The following ZDHHC21 variants were observed in gnomAD, a reference collection of about 807,000 sequenced individuals.
ZDHHC21 encodes palmitoyltransferase ZDHHC21.
A neutral mutation model predicts 34.6 loss-of-function variants in ZDHHC21; 15 were observed. The ratio of observed to expected loss-of-function variants is 0.43; its 90% confidence interval spans 0.29 to 0.67. ZDHHC21 has a LOEUF of 0.67. Ranked by LOEUF, ZDHHC21 falls within the 30% of genes least tolerant of loss-of-function variation. The pLI, the probability that ZDHHC21 is intolerant of heterozygous loss-of-function variation, is 0.14. For synonymous variants in ZDHHC21, 142 were observed against 101.8 expected (o/e 1.40, Z -2.38); for missense variants, 344 against 327.7 (o/e 1.05, Z -0.38).
intron 4 of ZDHHC21, 26 bp from the exon 5 acceptor site, chr9:14,672,954 T>A (rs1835747247): frequency 7.2e-7 from 1 of 1,390,128 alleles, no homozygotes; most frequent in Non-Finnish European, 9.9e-7. Flanking sequence ...ATTAAATAAA[T>A]TAGTCACTTA....
Position 14,617,587 on chromosome 9 carries a change from G to A in ZDHHC21, c.*1379C>T, listed in dbSNP as rs909444055. ...CAATCTTCTCTTCAAGGGAAAGACT[G>A]TGAGTACATAAATTTTTTAAAAAGA... On this transcript the variant is annotated 3_prime_UTR_variant, in exon 10 of 10. Transcript: ENST00000380916. 6.6e-6 allele frequency: 1 copy of A among 151,934 alleles called. No homozygotes were observed. The highest frequency in any genetic ancestry group is 1.5e-5 in the Non-Finnish European group (1 of 67,914). 9.4% of individuals were successfully genotyped at this position (151,934 alleles called of 1,614,324 possible).
At chr9:14,668,714 T>C (rs1257485413) in intron 5 of ZDHHC21, among the ~76,000 whole-genome samples, 1 of 139,564 alleles carries the variant, frequency 7.2e-6, no homozygotes, top group Non-Finnish European at 1.6e-5. Context: ...TACAACTATC[T>C]GATCTTTGAC....
chr9:14,651,798 C>G (rs1259501325), intron 7 of ZDHHC21, among the ~76,000 whole-genome samples: 1 of 151,778 alleles, frequency 6.6e-6, no homozygotes, highest in East Asian at 1.9e-4. Context: ...TAGGCATCTG[C>G]TTATAAGCAT....
rs770640825 is a variant in ZDHHC21 at position 14,640,026 on chromosome 9, G to C, written c.505-14C>G. ...AACAAAGAGGTCCTAAAAAGAAAAA[G>C]AAAGTCTTAAAAACCATTCAGAGTT... is the stretch of plus-strand genomic sequence containing the variant. On this transcript the variant is annotated splice_polypyrimidine_tract_variant and intron_variant, in intron 7 of 9. Transcript: ENST00000380916. 1.9e-6 allele frequency: 3 copies of C among 1,546,370 alleles called. No homozygotes were observed. Among genetic ancestry groups the C allele is most frequent in the African/African-American group, 2.8e-5 (2 of 72,470 alleles).
At chr9:14,609,739 G>A (rs559335645), downstream of ZDHHC21, among the ~76,000 whole-genome samples, 2 of 152,146 alleles carry the variant, frequency 1.3e-5, no homozygotes, top group South Asian at 4.1e-4. Flanking sequence ...TGGATTTTAA[G>A]AACACGAAAA....
intron 7 of ZDHHC21, among the ~76,000 whole-genome samples, chr9:14,657,766 A>G (rs929044260): frequency 6.6e-6 from 1 of 152,156 alleles, no homozygotes; most frequent in Admixed American, 6.5e-5. Flanking sequence ...TTTGTTTTTC[A>G]TTAACACCAC....
At position 14,690,317 on chromosome 9, in the gene ZDHHC21, T is replaced by C. The variant is rs1255028857; in HGVS notation, c.-176+20A>G. ...CCATGATTTAAGAACACTAACACCA[T>C]AAGAAAAATCTCTCCTCACCTGCTT... is the stretch of plus-strand genomic sequence containing the variant. On this transcript the variant is annotated intron_variant, in intron 2 of 9. Coordinates refer to ENST00000380916, the MANE Select transcript of ZDHHC21 (RefSeq NM_178566.6). 1 of 454,430 alleles carries C rather than the reference T, an allele frequency of 2.2e-6. No homozygotes were observed. Among genetic ancestry groups the C allele is most frequent in the East Asian group, 7.0e-5 (1 of 14,370 alleles). The allele number at this position is 454,430 out of a possible 1,614,324, so 28.1% of individuals were successfully genotyped here.
chr9:14,602,052 C>T, the ZDHHC21 span, among the ~76,000 whole-genome samples: 2 of 151,912 alleles, frequency 1.3e-5, no homozygotes, highest in African/African-American at 4.8e-5. Flanking sequence ...ATGTAGGTGA[C>T]GGGTTGATGG....
At chr9:14,643,313 C>G (rs942447981) in intron 7 of ZDHHC21, among the ~76,000 whole-genome samples, 2 of 152,058 alleles carry the variant, frequency 1.3e-5, no homozygotes, top group African/African-American at 4.8e-5. Context: ...ATTAGAACAT[C>G]TGAAACCAAG....
intron 7 of ZDHHC21, among the ~76,000 whole-genome samples, chr9:14,652,949 C>T (rs1232012460): frequency 1.3e-5 from 2 of 151,970 alleles, no homozygotes; most frequent in African/African-American, 4.8e-5. Context: ...ATGCTGCCAC[C>T]TATCTACGTG....
intron 8 of ZDHHC21, among the ~76,000 whole-genome samples, chr9:14,634,121 C>A (rs1032545697): frequency 2.0e-5 from 3 of 152,166 alleles, no homozygotes; most frequent in Admixed American, 1.3e-4. Context: ...CCTGAACACT[C>A]CTCTCAGGGG....
At chr9:14,687,677 T>A (rs957974923) in intron 2 of ZDHHC21, among the ~76,000 whole-genome samples, 1 of 150,522 alleles carries the variant, frequency 6.6e-6, no homozygotes, top group Non-Finnish European at 1.5e-5. Flanking sequence ...TAAGGCCCTG[T>A]CTCAAAACAA....
chr9:14,599,553 T>G, the ZDHHC21 span, among the ~76,000 whole-genome samples: 9 of 139,736 alleles, frequency 6.4e-5, no homozygotes, highest in African/African-American at 2.5e-4. Flanking sequence ...GCTGCAGGAG[T>G]TTTTTTTTTT....
At chr9:14,642,479 T>C (rs941450685) in intron 7 of ZDHHC21, among the ~76,000 whole-genome samples, 29 of 152,172 alleles carry the variant, frequency 1.9e-4, no homozygotes, top group Admixed American at 8.5e-4. Context: ...AATTCCTATG[T>C]TGAAGCCCTA....
At position 14,612,496 on chromosome 9, in the gene ZDHHC21, A is replaced by G. The variant is rs1415134426; in HGVS notation, c.*6470T>C. On this transcript the variant is annotated 3_prime_UTR_variant, in exon 10 of 10. Transcript: ENST00000380916. ...CATTTCAAAGGTGTTTTAAATTACG[A>G]GTACACTTAAAGGGTGTTTCTCTTC... The G allele has an allele frequency of 1.3e-5, 2 of 151,974 alleles. No homozygotes were observed. The highest frequency in any genetic ancestry group is 1.9e-4 in the East Asian group (1 of 5,184). The allele number at this position is 151,974 out of a possible 1,614,324, so 9.4% of individuals were successfully genotyped here.
chr9:14,651,970 G>A (rs1394039879), intron 7 of ZDHHC21, among the ~76,000 whole-genome samples: 1 of 151,774 alleles, frequency 6.6e-6, no homozygotes, highest in African/African-American at 2.4e-5. Context: ...AATATTTAAA[G>A]TCAAACATTA....
chr9:14,603,697 C>G, the ZDHHC21 span, among the ~76,000 whole-genome samples: 1 of 152,106 alleles, frequency 6.6e-6, no homozygotes, highest in African/African-American at 2.4e-5. Context: ...ACAGGCAATA[C>G]TTATTTTTAT....
At chr9:14,689,945 A>G (rs1285844433) in intron 2 of ZDHHC21, among the ~76,000 whole-genome samples, 3 of 152,142 alleles carry the variant, frequency 2.0e-5, no homozygotes, top group Non-Finnish European at 4.4e-5. Context: ...AAAGACCACC[A>G]AATATTGTTT....
intron 6 of ZDHHC21, among the ~76,000 whole-genome samples, chr9:14,659,161 T>C (rs1224879238): frequency 6.6e-6 from 1 of 152,156 alleles, no homozygotes; most frequent in Non-Finnish European, 1.5e-5. Context: ...GGTAGTCTCC[T>C]GTGTCACTGA....
Sources: gnomAD v4.1 joint callset for allele counts (sites outside exome capture counted in the v4.1 genomes callset) on GRCh38, gnomAD v4.1.1 for gene constraint, MANE v1.5 for transcripts, NCBI Gene and HGNC (gene_info 2026-07-23, HGNC 2026-07-21) for gene names.